Variants in GOLGA4 observed in about 807,000 individuals in gnomAD.
GOLGA4 encodes golgin subfamily A member 4.
GOLGA4 carries 169 observed loss-of-function variants against 265.9 expected under a neutral mutation model. The observed-to-expected ratio is 0.64, with a 90% CI of 0.56 to 0.72. The LOEUF is 0.72. GOLGA4 is among the 30% of genes least tolerant of loss of function. The pLI is 0.00. For synonymous variants in GOLGA4, 923 were observed against 855.8 expected (o/e 1.08, Z -1.37); for missense variants, 2,482 against 2,483.4 (o/e 1.00, Z 0.01).
At chr3:37,361,732 G>C (rs564621979) in intron 23 of GOLGA4, among the ~76,000 whole-genome samples, 1 of 152,212 alleles carries the variant, frequency 6.6e-6, no homozygotes, top group Non-Finnish European at 1.5e-5. Context: ...TGTAAAGCCT[G>C]AGTCAAGGCC....
At chr3:37,351,282 G>A (rs2097073555) in intron 21 of GOLGA4, among the ~76,000 whole-genome samples, 1 of 152,122 alleles carries the variant, frequency 6.6e-6, no homozygotes, top group Admixed American at 6.6e-5. Context: ...TGAGATTGCA[G>A]CAATCCAGTC....
intron 2 of GOLGA4, among the ~76,000 whole-genome samples, chr3:37,271,424 T>C (rs1408084192): frequency 2.0e-5 from 3 of 152,162 alleles, no homozygotes; most frequent in Non-Finnish European, 4.4e-5. Context: ...GATAGCTTTT[T>C]ATTAGAGGGA....
At chr3:37,310,293 A>G (rs142068254) in intron 10 of GOLGA4, among the ~76,000 whole-genome samples, 1 of 152,160 alleles carries the variant, frequency 6.6e-6, no homozygotes, top group Non-Finnish European at 1.5e-5. Context: ...ATTATAATTG[A>G]TTAGGATACT....
Position 37,324,516 on chromosome 3 carries a change from T to C in GOLGA4, c.2630T>C (p.Met877Thr). ...MQQLEKQNSE[M>T]EQKVKSLTQV... ...CAACTTGAAAAACAAAATAGTGAAA[T>C]GGAGCAAAAAGTAAAATCTTTAACC... Residue 877 changes from methionine to threonine, a missense_variant, in exon 14 of 24, where the codon ATG (methionine) becomes ACG (threonine). Met to Thr is a moderately conservative substitution (Grantham distance 81). This residue lies in a region of GOLGA4 where 1,536 missense variants were observed against 1,483.7 expected (regional missense o/e 1.04). Coordinates refer to ENST00000361924, the MANE Select transcript of GOLGA4 (RefSeq NM_002078.5). 2 of 1,613,704 alleles carry C rather than the reference T, an allele frequency of 1.2e-6. No individual in the cohort carries two copies. Among genetic ancestry groups the C allele is most frequent in the Non-Finnish European group, 1.7e-6 (2 of 1,179,868 alleles).
At chr3:37,317,996 C>G (rs916107659) in intron 11 of GOLGA4, among the ~76,000 whole-genome samples, 4 of 151,158 alleles carry the variant, frequency 2.6e-5, no homozygotes, top group South Asian at 2.1e-4. Flanking sequence ...TTTAAAAACA[C>G]ATGTTCGGTC....
chr3:37,356,140 C>A (rs1265082921), intron 22 of GOLGA4, among the ~76,000 whole-genome samples: 4 of 152,114 alleles, frequency 2.6e-5, no homozygotes, highest in Non-Finnish European at 4.4e-5. Flanking sequence ...TCTACATGAT[C>A]ACCTATTTGT....
rs894320866 is a variant in GOLGA4, at chr3:37,270,927, G to T, written c.163-11031G>T. On this transcript the variant is annotated intron_variant, in intron 2 of 23. Coordinates refer to ENST00000361924, the MANE Select transcript of GOLGA4 (RefSeq NM_002078.5). The stretch of plus-strand genomic sequence containing the variant: ...TAGAATCAGTGGGAGCCCTGAGCTT[G>T]TTTTCCTGCAACTAGATGGTCCCTT... 2.6e-5 allele frequency among the ~76,000 whole-genome samples: 4 copies of T among 151,928 alleles called. No homozygotes were observed. The East Asian group carries it at 5.8e-4, about 22-fold the overall frequency.
At position 37,286,134 on chromosome 3, in the gene GOLGA4, C is replaced by CTTTTTTTTTTTTTTTTTTTTT. The variant is rs1559383108; in HGVS notation, c.525+76_525+77insTTTTTTTTTTTTTTTTTTTTT. On this transcript the variant is annotated intron_variant, in intron 4 of 23. Transcript: ENST00000361924. ...AAAGATCTTATATAGTAAGATATTT[C>CTTTTTTTTTTTTTTTTTTTTT]TTTCTTTTTTTTTTTTTTTTTTTTT... The CTTTTTTTTTTTTTTTTTTTTT allele has an allele frequency of 3.4e-5, 5 of 145,648 alleles. 2 individuals carry two copies. Among genetic ancestry groups the CTTTTTTTTTTTTTTTTTTTTT allele is most frequent in the Non-Finnish European group, 4.0e-5 (3 of 74,256 alleles). The allele number at this position is 145,648 out of a possible 1,614,324, so 9.0% of individuals were successfully genotyped here. A position where few individuals can be genotyped will look rare whatever the true frequency, so the allele number is the denominator to read the frequency against.
intron 20 of GOLGA4, among the ~76,000 whole-genome samples, chr3:37,341,448 A>G (rs1318127015): frequency 6.6e-6 from 1 of 152,190 alleles, no homozygotes; most frequent in Non-Finnish European, 1.5e-5. Context: ...TCTCATTACT[A>G]TCAAATAATG....
intron 1 of GOLGA4, chr3:37,250,008 A>G (rs1308162985): frequency 1.3e-5 from 2 of 152,222 alleles, no homozygotes; most frequent in Non-Finnish European, 2.9e-5. Context: ...TCGAAGTCTC[A>G]TGTGTTTCAT....
At chr3:37,343,113 TTTTG>T (rs543666593) in intron 20 of GOLGA4, among the ~76,000 whole-genome samples, 5 of 151,658 alleles carry the variant, frequency 3.3e-5, no homozygotes, top group Admixed American at 1.3e-4. Context: ...AGGCTGGGTT[TTTTG>T]TTTGTTTGTT....
chr3:37,275,712 G>T (rs1055399959), intron 2 of GOLGA4: 2 of 1,612,244 alleles, frequency 1.2e-6, no homozygotes, highest in Non-Finnish European at 1.7e-6. Context: ...GAAGTGGTCC[G>T]CTTTGCCAAG....
chr3:37,354,921 T>C (rs1313232180), intron 21 of GOLGA4, among the ~76,000 whole-genome samples, 180 bp from the exon 22 acceptor site: 2 of 151,942 alleles, frequency 1.3e-5, no homozygotes, highest in African/African-American at 4.8e-5. Context: ...TTGTAAGGAG[T>C]CCTTTTAAAT....
At chr3:37,305,772 C>T (rs1437400277) in intron 10 of GOLGA4, among the ~76,000 whole-genome samples, 1 of 152,180 alleles carries the variant, frequency 6.6e-6, no homozygotes, top group East Asian at 1.9e-4. Flanking sequence ...TCTCCAAATG[C>T]ATTTTCAACT....
At position 37,315,446 on chromosome 3, in the gene GOLGA4, A is replaced by G. The variant is rs1184940860; in HGVS notation, c.1261A>G (p.Ser421Gly). The G allele has an allele frequency of 1.2e-6, 2 of 1,613,340 alleles. No individual in the cohort carries two copies. The highest frequency in any genetic ancestry group is 2.7e-5 in the African/African-American group (2 of 74,810). Residue 421 changes from serine to glycine, a missense_variant, in exon 11 of 24, where the codon AGT (serine) becomes GGT (glycine). Around this residue, in one of 3 missense-constraint regions of GOLGA4, gnomAD observed 1,536 missense variants for 1,483.7 expected, o/e 1.04. Coordinates refer to ENST00000361924, the MANE Select transcript of GOLGA4 (RefSeq NM_002078.5). ...AAFEELEKAL[S>G]TAQKTEEARR... The stretch of plus-strand genomic sequence containing the variant: ...TTTTGAGGAACTTGAAAAAGCTTTG[A>G]GTACAGCCCAAAAAACAGAGGAAGC...
At position 37,340,219 on chromosome 3, in the gene GOLGA4, A is replaced by G. The variant is rs758563302; in HGVS notation, c.6472+20A>G. The G allele has an allele frequency of 1.0e-6, 1 of 983,464 alleles. No homozygotes were observed. The highest frequency in any genetic ancestry group is 2.3e-5 in the Admixed American group (1 of 43,206). 60.9% of individuals were successfully genotyped at this position (983,464 alleles called of 1,614,324 possible). On this transcript the variant is annotated intron_variant, in intron 20 of 23. Transcript: ENST00000361924. ...ACAAAGGTAAGGATGATCTCGTGTC[A>G]TGTTATTAACTGTTATCTTTTATTG... is the stretch of plus-strand genomic sequence containing the variant.
chr3:37,256,447 G>T (rs2096748925), intron 2 of GOLGA4, among the ~76,000 whole-genome samples: 1 of 151,064 alleles, frequency 6.6e-6, no homozygotes, highest in Admixed American at 6.6e-5. Context: ...TCCAGCCTGG[G>T]CAATAAAAGC....
At position 37,324,612 on chromosome 3, in the gene GOLGA4, A is replaced by G. The variant is rs1256268842; in HGVS notation, c.2726A>G (p.Lys909Arg). The stretch of plus-strand genomic sequence containing the variant: ...CAGACAAAGCAAATCTTGGTGGAAA[A>G]GGAAAATATGATTTTACAAATGAGA... ...QEQTKQILVE[K>R]ENMILQMREG... The change falls in exon 14 of 24, where the codon AAG (lysine) becomes AGG (arginine). Residue 909 changes from lysine to arginine, a missense_variant. Physicochemically the swap from Lys to Arg is conservative, Grantham distance 26. Coordinates refer to ENST00000361924, the MANE Select transcript of GOLGA4 (RefSeq NM_002078.5). The G allele has an allele frequency of 6.2e-7, 1 of 1,613,478 alleles. No homozygotes were observed. Among genetic ancestry groups the G allele is most frequent in the Non-Finnish European group, 8.5e-7 (1 of 1,179,670 alleles).
chr3:37,329,153 A>G, intron 16 of GOLGA4, 60 bp downstream of exon 16: 1 of 1,355,020 alleles, frequency 7.4e-7, no homozygotes, highest in Admixed American at 2.5e-5. Context: ...ATTTCATGGT[A>G]GTGCCAAAGA....
Sources: gnomAD v4.1 joint callset for allele counts (sites outside exome capture counted in the v4.1 genomes callset) on GRCh38, gnomAD v4.1.1 for gene constraint, gnomAD v4.1.1 regional missense constraint, MANE v1.5 for transcripts, NCBI Gene and HGNC (gene_info 2026-07-23, HGNC 2026-07-21) for gene names.